Variants in NCKAP5 observed in about 807,000 individuals in gnomAD.
NCKAP5 encodes nck-associated protein 5.
Under a neutral mutation model 167.0 loss-of-function variants are expected in NCKAP5, and 92 were observed. That is an observed-to-expected ratio of 0.55 (90% CI 0.47 to 0.66). NCKAP5 has a LOEUF of 0.66. NCKAP5 is among the 30% of genes least tolerant of loss of function. NCKAP5 has a pLI of 0.00. For missense variants in NCKAP5, 2,378 were observed against 2,315.0 expected (o/e 1.03, Z -0.56); for synonymous variants, 891 against 877.4 (o/e 1.02, Z -0.27).
chr2:133,468,288 C>T (rs1452685296), intron 3 of NCKAP5, among the ~76,000 whole-genome samples: 1 of 141,640 alleles, frequency 7.1e-6, no homozygotes, highest in Non-Finnish European at 1.5e-5. Flanking sequence ...CATTCAGGAG[C>T]AGGTTGTTCA....
At chr2:132,891,081 T>G (rs553950044) in intron 8 of NCKAP5, among the ~76,000 whole-genome samples, 1 of 152,184 alleles carries the variant, frequency 6.6e-6, no homozygotes, top group Non-Finnish European at 1.5e-5. Context: ...GAAGATGTGA[T>G]GTAGAACCTG....
At chr2:132,836,903 C>T (rs899279211) in intron 11 of NCKAP5, among the ~76,000 whole-genome samples, 2 of 152,172 alleles carry the variant, frequency 1.3e-5, no homozygotes, top group South Asian at 2.1e-4. Flanking sequence ...AGGCCAAATA[C>T]GTCTTCCCAC....
the NCKAP5 span, among the ~76,000 whole-genome samples, chr2:133,584,941 A>AGAAAGAAG: frequency 8.8e-6 from 1 of 113,812 alleles, no homozygotes; most frequent in Admixed American, 1.0e-4. Context: ...AAAAAAAGAA[A>AGAAAGAAG]GAAGGAAGGA....
At chr2:133,450,617 T>C (rs1342998185) in intron 3 of NCKAP5, among the ~76,000 whole-genome samples, 1 of 152,218 alleles carries the variant, frequency 6.6e-6, no homozygotes, top group Admixed American at 6.5e-5. Context: ...ACAACTTTCA[T>C]TGGGTGAAAC....
chr2:133,580,093 G>T, the NCKAP5 span, among the ~76,000 whole-genome samples: 4 of 152,158 alleles, frequency 2.6e-5, no homozygotes, highest in African/African-American at 9.7e-5. Context: ...GTAAGCCATA[G>T]ATTGTTCCCC....
chr2:132,717,587 A>C (rs1689486267), intron 19 of NCKAP5, among the ~76,000 whole-genome samples: 1 of 152,212 alleles, frequency 6.6e-6, no homozygotes, highest in Non-Finnish European at 1.5e-5. Context: ...TTAGTTATGA[A>C]TCTCTAAATA....
At chr2:132,943,747 G>A (rs930271180) in intron 8 of NCKAP5, among the ~76,000 whole-genome samples, 5 of 152,200 alleles carry the variant, frequency 3.3e-5, no homozygotes, top group African/African-American at 9.7e-5. Context: ...AGAAGACACC[G>A]ATGACAATGG....
At chr2:132,883,125 C>T (rs528587549) in intron 8 of NCKAP5, among the ~76,000 whole-genome samples, 9 of 151,246 alleles carry the variant, frequency 6.0e-5, no homozygotes, top group Admixed American at 1.3e-4. Context: ...TTGCTTGAGC[C>T]CCAGGAGGTC....
At chr2:133,660,489 G>T in the NCKAP5 span, among the ~76,000 whole-genome samples, 7 of 151,998 alleles carry the variant, frequency 4.6e-5, no homozygotes, top group Admixed American at 4.6e-4. Flanking sequence ...TGATGGGATT[G>T]CATGCAATTT....
chr2:132,802,987 T>C (rs746841757), intron 11 of NCKAP5, among the ~76,000 whole-genome samples: 3 of 152,234 alleles, frequency 2.0e-5, no homozygotes, highest in Non-Finnish European at 4.4e-5. Flanking sequence ...AAACTGAATA[T>C]TATATAACTG....
intron 13 of NCKAP5, among the ~76,000 whole-genome samples, 197 bp downstream of exon 13, chr2:132,789,826 G>A (rs191740723): frequency 2.4e-4 from 37 of 152,230 alleles, no homozygotes; most frequent in African/African-American, 7.2e-4. Flanking sequence ...ATCTCACCAC[G>A]CTGCCCTCCA....
chr2:132,957,682 A>G (rs923902237), intron 8 of NCKAP5, among the ~76,000 whole-genome samples: 3 of 151,746 alleles, frequency 2.0e-5, no homozygotes, highest in African/African-American at 7.3e-5. Flanking sequence ...CTAGACATAA[A>G]ACCTAAAAAA....
intron 5 of NCKAP5, among the ~76,000 whole-genome samples, chr2:133,157,726 T>TA (rs36047671): frequency 0.33 from 49,780 of 152,046 alleles, 8,513 homozygotes; most frequent in African/African-American, 0.43. Flanking sequence ...GGATAGTGTA[T>TA]AAAAAGAAAC....
rs1043879691 is a variant in NCKAP5, at chr2:133,213,844, G to A, written c.144-65C>T. The A allele has an allele frequency of 2.1e-5, 31 of 1,505,940 alleles. No individual in the cohort carries two copies. The East Asian group carries it at 2.3e-4, about 11-fold the overall frequency. 93.3% of individuals were successfully genotyped at this position (1,505,940 alleles called of 1,614,324 possible). ...GGGTAGAGGTGACACTGGCATGGCC[G>A]TGAAACATTCTTTTGAGGTCTCTAG... On this transcript the variant is annotated intron_variant, in intron 4 of 19. Coordinates refer to ENST00000409261, the MANE Select transcript of NCKAP5 (RefSeq NM_207363.3).
intron 4 of NCKAP5, among the ~76,000 whole-genome samples, chr2:133,221,178 A>T (rs1405095726): frequency 3.9e-5 from 6 of 152,280 alleles, no homozygotes; most frequent in South Asian, 2.1e-4. Flanking sequence ...ACAAATAAAC[A>T]TGCTTACATA....
chr2:133,033,037 T>C (rs947212009), intron 6 of NCKAP5, among the ~76,000 whole-genome samples: 3 of 152,148 alleles, frequency 2.0e-5, no homozygotes, highest in South Asian at 2.1e-4. Context: ...CGATTAGATA[T>C]GAGATTTGGT....
chr2:133,642,359 A>G, the NCKAP5 span, among the ~76,000 whole-genome samples: 2 of 152,066 alleles, frequency 1.3e-5, no homozygotes, highest in African/African-American at 4.8e-5. Context: ...AAACCATAGC[A>G]CCTGGTTTAA....
Position 132,758,350 on chromosome 2 carries a change from A to C in NCKAP5, c.5128+15466T>G, listed in dbSNP as rs368735687. On this transcript the variant is annotated intron_variant, in intron 16 of 19. Transcript: ENST00000409261. ...CAAGCTAGATTATAGGGTTTTTGTA[A>C]ATCTACAAGTCATTTGTTGCCAGCC... 1.7e-3 allele frequency among the ~76,000 whole-genome samples: 264 copies of C among 152,290 alleles called. 2 individuals carry two copies. Among genetic ancestry groups the C allele is most frequent in the African/African-American group, 6.0e-3 (251 of 41,556 alleles).
chr2:132,846,558 G>A (rs1310988613), intron 11 of NCKAP5, among the ~76,000 whole-genome samples: 2 of 152,024 alleles, frequency 1.3e-5, no homozygotes, highest in African/African-American at 4.8e-5. Flanking sequence ...ACCTGCCTCG[G>A]CCTCCCAAAG....
Sources: gnomAD v4.1 joint callset for allele counts (sites outside exome capture counted in the v4.1 genomes callset) on GRCh38, gnomAD v4.1.1 for gene constraint, MANE v1.5 for transcripts, NCBI Gene and HGNC (gene_info 2026-07-23, HGNC 2026-07-21) for gene names.